The following PLEC variants were observed in gnomAD, a reference collection of about 807,000 sequenced individuals.
PLEC encodes the protein plectin, also known as hemidesmosomal protein 1.
Under a neutral mutation model 392.8 loss-of-function variants are expected in PLEC, and 216 were observed. That is an observed-to-expected ratio of 0.55 (90% confidence interval 0.49 to 0.62). The LOEUF (loss-of-function observed/expected upper bound fraction) is 0.62, where lower values mean the gene tolerates loss of function less well. Among genes scored for constraint, PLEC ranks in the 20% least tolerant of loss-of-function variants. The pLI is 0.00. For synonymous variants in PLEC, 3,621 were observed against 2,980.6 expected (o/e 1.21, Z -7.00); for missense variants, 6,863 against 6,563.4 (o/e 1.05, Z -1.58).
Position 143,916,415 on chromosome 8 carries a change from T to C in PLEC, c.13406A>G (p.Gln4469Arg), listed in dbSNP as rs781935306. ...TGLRLLEAAA[Q>R]STKGYYSPYS... ...GGGGCTGTAGTAGCCCTTGGTGGAC[T>C]GCGCGGCAGCCTCCAGCAGCCGCAG... The change falls in exon 32 of 32, where the codon CAG (glutamine) becomes CGG (arginine). Residue 4469 changes from glutamine to arginine, a missense_variant. By Grantham distance (43) the Gln-to-Arg change is conservative (BLOSUM62 1). Transcript: ENST00000345136. 2 of 1,611,560 alleles carry C rather than the reference T, an allele frequency of 1.2e-6. No individual in the cohort carries two copies. The highest frequency in any genetic ancestry group is 1.7e-6 in the Non-Finnish European group (2 of 1,179,398).
intron 12 of PLEC, 55 bp downstream of exon 12, chr8:143,933,943 G>C (rs552575404): frequency 1.3e-6 from 2 of 1,482,520 alleles, no homozygotes; most frequent in Non-Finnish European, 1.8e-6. Flanking sequence ...GCTGCAGGGC[G>C]GGGCAGGCTC....
intron 1 of PLEC, 41 bp downstream of exon 1, chr8:143,939,309 C>A (rs1829936090): frequency 6.3e-7 from 1 of 1,588,490 alleles, no homozygotes; most frequent in South Asian, 1.1e-5. Context: ...CCGCAGGGGC[C>A]CGCCCTGCCT....
rs372595446 is a variant in PLEC, at chr8:143,921,172, T to C, written c.8649A>G (p.Pro2883=). 6.2e-7 allele frequency: 1 copy of C among 1,613,636 alleles called. No homozygotes were observed. The highest frequency in any genetic ancestry group is 1.7e-5 in the Admixed American group (1 of 60,022). The part of the protein sequence containing the change: ...EDPETGLCLL[P]LTDKAAKGGE... ...CGCCCTTGGCAGCCTTATCCGTGAG[T>C]GGCAGAAGGCACAGGCCCGTCTCGG... Residue 2883 remains proline (P), a synonymous_variant, in exon 32 of 32, where the codon CCA becomes CCG. Coordinates refer to ENST00000345136, the MANE Select transcript of PLEC (RefSeq NM_201384.3).
At chr8:143,961,591 G>A (rs1832876464) in intron 1 of PLEC, among the ~76,000 whole-genome samples, 1 of 152,154 alleles carries the variant, frequency 6.6e-6, no homozygotes, top group Admixed American at 6.5e-5. Flanking sequence ...GTTCACTGCA[G>A]TCATTTCTAA....
At chr8:143,940,830 G>C (rs959975107), upstream of PLEC, among the ~76,000 whole-genome samples, 4 of 152,138 alleles carry the variant, frequency 2.6e-5, no homozygotes, top group African/African-American at 4.8e-5. Flanking sequence ...ACGCCAAGGG[G>C]CACAGCCAGC....
rs182961574 is a variant in PLEC at position 143,924,847 on chromosome 8, C to G, written c.5082G>C (p.Leu1694=). The G allele has an allele frequency of 4.5e-4, 709 of 1,585,458 alleles. 1 individual carries two copies. In the African/African-American group the frequency reaches 8.3e-3, roughly 19 times the overall value. Residue 1694 remains leucine (L), a synonymous_variant, in exon 31 of 32, where the codon CTG becomes CTC. Transcript: ENST00000345136. ...CTTCCGCCAGCTGCCGCTGCTTCTC[C>G]AGCTCTTGTTCAGCCAGCTCCCGCT... is the stretch of plus-strand genomic sequence containing the variant. ...VRQRELAEQE[L]EKQRQLAEGT...
At chr8:143,947,224 G>A (rs1831598193) in intron 1 of PLEC, among the ~76,000 whole-genome samples, 1 of 152,218 alleles carries the variant, frequency 6.6e-6, no homozygotes, top group African/African-American at 2.4e-5. Context: ...GGTCAAGGGG[G>A]GAGGTCAAGG....
chr8:143,970,847 C>T (rs549182695), intron 1 of PLEC, among the ~76,000 whole-genome samples: 13 of 152,318 alleles, frequency 8.5e-5, no homozygotes, highest in East Asian at 1.9e-4. Context: ...GGGCGCTGGG[C>T]GACTGGACAC....
In PLEC at chr8:143,930,284, CTTGTGCACAGTCACCT is replaced by C; in HGVS notation, c.2458-2_2471del. ...GGCCCACCAGCTGGCACTCGTCACCCTTGTGCACAGTCACCTGGGACGGGCAGAGTCGGTGAGGACA... is the reference window on the plus strand; with the variant it reads ...GGCCCACCAGCTGGCACTCGTCACCCGGGACGGGCAGAGTCGGTGAGGACA... On this transcript the variant is annotated splice_acceptor_variant and coding_sequence_variant, in exon 21 of 32. Transcript: ENST00000345136. LOFTEE classifies it high-confidence loss of function. The C allele has an allele frequency of 6.2e-7, 1 of 1,603,402 alleles. No homozygotes were observed. Among genetic ancestry groups the C allele is most frequent in the Non-Finnish European group, 8.5e-7 (1 of 1,178,774 alleles).
At position 143,935,942 on chromosome 8, in the gene PLEC, G is replaced by A; in HGVS notation, c.508C>T (p.Arg170Ter). 1 of 1,612,876 alleles carries A rather than the reference G, an allele frequency of 6.2e-7. No homozygotes were observed. Among genetic ancestry groups the A allele is most frequent in the Non-Finnish European group, 8.5e-7 (1 of 1,179,966 alleles). ...AKEKLLLWSQ[R>*]MVEGYQGLRC... Reference sequence around the variant, plus strand: ...AGGCCCTGGTACCCCTCCACCATTCGCTGCGACCACAGCAGCAGCTTCTCC... The same window carrying A: ...AGGCCCTGGTACCCCTCCACCATTCACTGCGACCACAGCAGCAGCTTCTCC... Residue 170 changes from arginine to a stop codon, truncating the protein, a stop_gained, in exon 6 of 32, where the codon CGA becomes TGA. Coordinates refer to ENST00000345136, the MANE Select transcript of PLEC (RefSeq NM_201384.3). LOFTEE classifies it high-confidence loss of function.
At chr8:143,946,494 TG>T in intron 1 of PLEC, 1 of 864,836 alleles carries the variant, frequency 1.2e-6, no homozygotes, top group Non-Finnish European at 1.6e-6. Flanking sequence ...ACTCATGCCC[TG>T]GTAGCAGCGG....
rs1368405735 is a variant in PLEC, at chr8:143,931,396, G to A, written c.2304+138C>T. The A allele has an allele frequency of 2.5e-5, 19 of 761,496 alleles. 2 individuals carry two copies. Among genetic ancestry groups the A allele is most frequent in the African/African-American group, 1.3e-4 (8 of 59,904 alleles). The allele number at this position is 761,496 out of a possible 1,614,324, so 47.2% of individuals were successfully genotyped here. ...GAACATCCTGCCTCATTCCCGCTTC[G>A]GCTGACCTCTACACCTCCCATGGTG... On this transcript the variant is annotated intron_variant, in intron 19 of 31. Coordinates refer to ENST00000345136, the MANE Select transcript of PLEC (RefSeq NM_201384.3).
upstream of PLEC, among the ~76,000 whole-genome samples, chr8:143,974,806 A>G (rs1184940361): frequency 6.6e-6 from 1 of 152,220 alleles, no homozygotes; most frequent in Non-Finnish European, 1.5e-5. This position sits in a 1 kb window ranked among gnomAD's most constrained non-coding sequence, Gnocchi z 5.9. Context: ...GGCTCCAGAC[A>G]ACCAGGTACC....
At chr8:143,975,060 C>G, upstream of PLEC, 1 of 1,180,356 alleles carries the variant, frequency 8.5e-7, no homozygotes, top group South Asian at 1.3e-5. The surrounding 1 kb of genome is among the most constrained non-coding windows in gnomAD (Gnocchi z 9.9). Flanking sequence ...CCTCCGTGAC[C>G]CGCAGATCCC....
chr8:143,944,556 C>T (rs1831146653), upstream of PLEC: 3 of 722,532 alleles, frequency 4.2e-6, no homozygotes, highest in African/African-American at 3.7e-5. Flanking sequence ...AGGGACAGCG[C>T]CCCTGGCCTC....
chr8:143,952,787 A>G (rs1375751434), upstream of PLEC, among the ~76,000 whole-genome samples: 6 of 151,826 alleles, frequency 4.0e-5, no homozygotes, highest in Non-Finnish European at 5.9e-5. Context: ...CCACCCAACC[A>G]GCCCCGCCTC....
chr8:143,925,077 CCTG>C lies in PLEC; in HGVS notation c.4849_4851del (p.Gln1617del). On this transcript the variant is annotated inframe_deletion, in exon 31 of 32. Coordinates refer to ENST00000345136, the MANE Select transcript of PLEC (RefSeq NM_201384.3). ...TCCTCGCGCGCCCGCTCGGCCTCGG[CCTG>C]CTGCTGTGCCCGCCGCTCAGCCTCC... The C allele has an allele frequency of 1.9e-6, 3 of 1,540,180 alleles. No homozygotes were observed. Among genetic ancestry groups the C allele is most frequent in the Non-Finnish European group, 2.6e-6 (3 of 1,149,614 alleles).
chr8:143,938,810 C>T, intron 1 of PLEC, 118 bp from the exon 2 acceptor site: 1 of 866,308 alleles, frequency 1.2e-6, no homozygotes, highest in South Asian at 1.3e-5. Flanking sequence ...AGCCCCAAAG[C>T]CTCCCTCAGA....
At chr8:143,947,566 G>A (rs1181829188) in intron 1 of PLEC, among the ~76,000 whole-genome samples, 1 of 151,642 alleles carries the variant, frequency 6.6e-6, no homozygotes, top group Admixed American at 6.6e-5. Context: ...CCAACATGGC[G>A]AAACCCCGTC....
Sources: gnomAD v4.1 joint callset for allele counts (sites outside exome capture counted in the v4.1 genomes callset) on GRCh38, gnomAD v4.1.1 for gene constraint, Gnocchi (gnomAD v3.1) non-coding constraint, MANE v1.5 for transcripts, NCBI Gene and HGNC (gene_info 2026-07-23, HGNC 2026-07-21) for gene names.